ARHGEF28: variants seen among roughly 807,000 people sequenced by gnomAD.
The protein encoded by ARHGEF28 is Rho guanine nucleotide exchange factor 28.
In ARHGEF28, 152 loss-of-function variants were observed where a neutral mutation model predicts 206.6. The observed-to-expected ratio is 0.74, with a 90% CI of 0.64 to 0.84. The LOEUF is 0.84. ARHGEF28 is among the 40% of genes least tolerant of loss of function. The probability of loss-of-function intolerance (pLI) is 0.00; values close to 1 mark genes in which losing one functional copy is unlikely to be tolerated. For missense variants in ARHGEF28, 2,028 were observed against 2,073.2 expected, an observed-to-expected ratio of 0.98 and a Z score of 0.42; for synonymous variants, 763 against 776.4, an observed-to-expected ratio of 0.98 and a Z score of 0.29.
At chr5:73,794,224 C>G in intron 7 of ARHGEF28, 178 bp from the exon 8 acceptor site, 1 of 522,686 alleles carries the variant, frequency 1.9e-6, no homozygotes, top group Non-Finnish European at 3.3e-6. Context: ...AGAGTATGGA[C>G]AGTCGGGTTA....
intron 1 of ARHGEF28, among the ~76,000 whole-genome samples, chr5:73,632,819 T>A (rs1426925303): frequency 6.6e-6 from 1 of 151,930 alleles, no homozygotes; most frequent in Non-Finnish European, 1.5e-5. Flanking sequence ...GTCCCCAACC[T>A]TTTTGACACC....
At chr5:73,934,379 T>C (rs1764303117) in intron 35 of ARHGEF28, among the ~76,000 whole-genome samples, 1 of 152,170 alleles carries the variant, frequency 6.6e-6, no homozygotes. Flanking sequence ...TTTTGTGTTA[T>C]TAAAATTGAT....
At chr5:73,893,361 A>T (rs1761767724) in intron 28 of ARHGEF28, 73 bp downstream of exon 28, 10 of 1,242,746 alleles carry the variant, frequency 8.0e-6, no homozygotes, top group Middle Eastern at 3.9e-4. Context: ...AGTGTCATGA[A>T]CAGGAGGTTA....
chr5:73,655,397 A>G (rs928795504), intron 1 of ARHGEF28, among the ~76,000 whole-genome samples: 2 of 152,180 alleles, frequency 1.3e-5, no homozygotes, highest in African/African-American at 2.4e-5. Context: ...ATATCCTTAC[A>G]TTGGAACTGT....
chr5:73,857,940 G>A, intron 15 of ARHGEF28, 147 bp from the exon 16 acceptor site: 1 of 1,367,048 alleles, frequency 7.3e-7, no homozygotes, highest in Non-Finnish European at 9.9e-7. Context: ...ACATTTAGGT[G>A]TTATGGTGTC....
intron 34 of ARHGEF28, among the ~76,000 whole-genome samples, chr5:73,910,187 C>T (rs1762810432): frequency 6.6e-6 from 1 of 151,846 alleles, no homozygotes; most frequent in South Asian, 2.1e-4. Context: ...TCGAGACCAG[C>T]CTGGCCAACA....
At chr5:73,722,234 T>A (rs1363785449) in intron 2 of ARHGEF28, among the ~76,000 whole-genome samples, 2 of 152,246 alleles carry the variant, frequency 1.3e-5, no homozygotes, top group Admixed American at 1.3e-4. Context: ...ATTAATATTC[T>A]TGAACATCCA....
intron 4 of ARHGEF28, among the ~76,000 whole-genome samples, chr5:73,767,210 T>G (rs1436445512): frequency 6.6e-6 from 1 of 152,160 alleles, no homozygotes; most frequent in Non-Finnish European, 1.5e-5. Flanking sequence ...CAGGTATGTC[T>G]TTATCAGCAG....
intron 31 of ARHGEF28, chr5:73,902,590 C>A (rs1032080677): frequency 7.2e-5 from 11 of 152,120 alleles, no homozygotes; most frequent in Non-Finnish European, 1.3e-4. Flanking sequence ...TGAAATCAAA[C>A]TTTTAAAAGG....
chr5:73,892,184 G>A lies in ARHGEF28; in HGVS notation c.3520G>A (p.Glu1174Lys), dbSNP rs1421451580. The change falls in exon 27 of 36, where the codon GAG becomes AAG. Residue 1174 changes from glutamate to lysine, a missense_variant. This residue lies in a region of ARHGEF28 where 803 missense variants were observed against 768.0 expected (regional missense o/e 1.05). Transcript: ENST00000513042. Reference sequence around the variant, plus strand: ...GTATGAAATTCACACCAATTCCAAGGAGGAACGCAATAACTGGATGAGACG... The same window carrying A: ...GTATGAAATTCACACCAATTCCAAGAAGGAACGCAATAACTGGATGAGACG... ...EMYEIHTNSK[E>K]ERNNWMRRIQ... 3 of 1,577,064 alleles carry A rather than the reference G, an allele frequency of 1.9e-6. No individual in the cohort carries two copies. The highest frequency in any genetic ancestry group is 2.6e-6 in the Non-Finnish European group (3 of 1,159,794).
rs553535064 is a variant in ARHGEF28, at chr5:73,839,039, T to A, written c.1147-1441T>A. On this transcript the variant is annotated intron_variant, in intron 10 of 35. Coordinates refer to ENST00000513042, the MANE Select transcript of ARHGEF28 (RefSeq NM_001177693.2). ...TTTTGTTCTTGTGTTTTGCTAAGAG[T>A]GTAGTGTCTTTCAGTTTTGGTTTAT... Among the ~76,000 whole-genome samples the A allele has an allele frequency of 3.9e-5, 6 of 152,190 alleles. No individual in the cohort carries two copies. In the East Asian group the frequency reaches 1.2e-3, roughly 29 times the overall value.
At chr5:73,843,216 C>T (rs528709049) in intron 11 of ARHGEF28, among the ~76,000 whole-genome samples, 1 of 152,126 alleles carries the variant, frequency 6.6e-6, no homozygotes, top group African/African-American at 2.4e-5. Context: ...AATTTTTCCT[C>T]TGTAGAATAT....
chr5:73,703,522 T>C (rs1181446148), intron 2 of ARHGEF28, among the ~76,000 whole-genome samples: 2 of 152,088 alleles, frequency 1.3e-5, no homozygotes, highest in Non-Finnish European at 2.9e-5. Context: ...TAAAAGTCTA[T>C]TGTGGTCACC....
chr5:73,860,443 C>T (rs912515947), intron 16 of ARHGEF28, among the ~76,000 whole-genome samples: 7 of 152,146 alleles, frequency 4.6e-5, no homozygotes, highest in South Asian at 2.1e-4. Flanking sequence ...TCATCGTCTT[C>T]GAAACCCAGT....
At chr5:73,937,271 C>A (rs1468892845) in intron 35 of ARHGEF28, among the ~76,000 whole-genome samples, 1 of 152,192 alleles carries the variant, frequency 6.6e-6, no homozygotes. Flanking sequence ...TTAGACCCCC[C>A]ACGGTGGTCC....
intron 1 of ARHGEF28, among the ~76,000 whole-genome samples, chr5:73,644,626 A>T (rs189953458): frequency 9.9e-5 from 15 of 152,280 alleles, no homozygotes; most frequent in Middle Eastern, 3.4e-3. Flanking sequence ...CTCCTTGAAC[A>T]TACACTGCTG....
At chr5:73,692,389 A>G (rs1458213559) in intron 2 of ARHGEF28, among the ~76,000 whole-genome samples, 1 of 152,160 alleles carries the variant, frequency 6.6e-6, no homozygotes, top group African/African-American at 2.4e-5. Context: ...GAGGCTGCAA[A>G]TTGTATAACC....
At position 73,867,796 on chromosome 5, in the gene ARHGEF28, G is replaced by C. The variant is rs1759802885; in HGVS notation, c.2153-80G>C. 3 of 1,579,230 alleles carry C rather than the reference G, an allele frequency of 1.9e-6. No homozygotes were observed. The South Asian group carries it at 3.5e-5, about 18-fold the overall frequency. On this transcript the variant is annotated intron_variant, in intron 18 of 35. Transcript: ENST00000513042. ...TTACAAGTAGTCATTGCAGGGTTTAGCTTTCTGGCTTTTAAGTGACTACTT... is the reference window on the plus strand; with the variant it reads ...TTACAAGTAGTCATTGCAGGGTTTACCTTTCTGGCTTTTAAGTGACTACTT...
At chr5:73,628,082 G>T (rs1480946265) in intron 1 of ARHGEF28, among the ~76,000 whole-genome samples, 1 of 151,856 alleles carries the variant, frequency 6.6e-6, no homozygotes, top group Non-Finnish European at 1.5e-5. Flanking sequence ...CACTTGGGTG[G>T]GTTTCATACT....
Sources: gnomAD v4.1 joint callset for allele counts (sites outside exome capture counted in the v4.1 genomes callset) on GRCh38, gnomAD v4.1.1 for gene constraint, gnomAD v4.1.1 regional missense constraint, MANE v1.5 for transcripts, NCBI Gene and HGNC (gene_info 2026-07-23, HGNC 2026-07-21) for gene names.